Variants in DDX11 observed in about 807,000 individuals in gnomAD.
DDX11 encodes the protein DEAD/H-box helicase 11.
In DDX11, 72 loss-of-function variants were observed where a neutral mutation model predicts 125.2. The ratio of observed to expected loss-of-function variants is 0.58; its 90% CI spans 0.48 to 0.70. The LOEUF (loss-of-function observed/expected upper bound fraction) is 0.70, where lower values mean the gene tolerates loss of function less well. Among genes scored for constraint, DDX11 ranks in the 30% least tolerant of loss-of-function variants. The pLI, the probability that DDX11 is intolerant of heterozygous loss-of-function variation, is 0.00. For synonymous variants in DDX11, 347 were observed against 452.6 expected, an observed-to-expected ratio of 0.77 and a Z score of 2.96; for missense variants, 883 against 1,165.0, an observed-to-expected ratio of 0.76 and a Z score of 3.52.
At chr12:31,100,735 G>A (rs1210600816) in intron 19 of DDX11, 28 bp downstream of exon 19, 1 of 1,550,616 alleles carries the variant, frequency 6.4e-7, no homozygotes, top group Non-Finnish European at 8.7e-7. Context: ...GGGTGGGGCA[G>A]GCTAGAGGTC....
intron 5 of DDX11, among the ~76,000 whole-genome samples, chr12:31,087,268 T>A (rs1380830585): frequency 6.7e-6 from 1 of 150,062 alleles, no homozygotes; most frequent in African/African-American, 2.5e-5. Context: ...TGTAGCTTCA[T>A]CCAGGAGATG....
intron 5 of DDX11, 194 bp from the exon 6 acceptor site, chr12:31,087,744 C>G: frequency 1.1e-5 from 10 of 923,026 alleles, no homozygotes; most frequent in Non-Finnish European, 1.7e-5. Flanking sequence ...TCCCTACCCA[C>G]AGACCTGAGC....
At chr12:31,100,842 C>T (rs1425832179) in intron 19 of DDX11, 135 bp downstream of exon 19, 1 of 1,097,346 alleles carries the variant, frequency 9.1e-7, no homozygotes, top group Non-Finnish European at 1.4e-6. Flanking sequence ...CCTTCGTGCG[C>T]TCGCCCAGGC....
Position 31,103,855 on chromosome 12 carries a change from C to G in DDX11, c.*19C>G. Reference sequence around the variant, plus strand: ...TTCCTGATGGGCAACCACACCACTGCCTGGCGCCGTGCCCTTCCTTTGTCC... The same window carrying G: ...TTCCTGATGGGCAACCACACCACTGGCTGGCGCCGTGCCCTTCCTTTGTCC... On this transcript the variant is annotated 3_prime_UTR_variant, in exon 27 of 27. Transcript: ENST00000542838. 6.2e-7 allele frequency: 1 copy of G among 1,614,000 alleles called. No individual in the cohort carries two copies. The highest frequency in any genetic ancestry group is 1.1e-5 in the South Asian group (1 of 91,076).
intron 17 of DDX11, 81 bp from the exon 18 acceptor site, chr12:31,097,804 T>C: frequency 2.5e-6 from 2 of 811,172 alleles, no homozygotes; most frequent in Non-Finnish European, 4.2e-6. Context: ...AGACCTGGAC[T>C]CACCTGGGGG....
At chr12:31,095,857 T>C (rs1186281390) in intron 14 of DDX11, among the ~76,000 whole-genome samples, 1 of 152,112 alleles carries the variant, frequency 6.6e-6, no homozygotes, top group Non-Finnish European at 1.5e-5. Context: ...GTCGCTCTTT[T>C]TAGAAACCGG....
At chr12:31,089,743 G>A (rs1389888766) in intron 8 of DDX11, 143 bp from the exon 9 acceptor site, 15 of 1,449,728 alleles carry the variant, frequency 1.0e-5, no homozygotes, top group African/African-American at 1.4e-5. Context: ...GTGTTCCGAT[G>A]AGACCACAGT....
At chr12:31,089,021 G>T in intron 6 of DDX11, 23 bp from the exon 7 acceptor site, 1 of 1,599,274 alleles carries the variant, frequency 6.3e-7, no homozygotes, top group South Asian at 1.1e-5. Context: ...TCTCTTTGAA[G>T]CGCCTTTCTT....
At chr12:31,099,525 A>G (rs1374211337) in intron 18 of DDX11, among the ~76,000 whole-genome samples, 4 of 150,888 alleles carry the variant, frequency 2.7e-5, no homozygotes, top group African/African-American at 4.9e-5. Flanking sequence ...TTGAAATCAT[A>G]GTACCAATAT....
intron 18 of DDX11, among the ~76,000 whole-genome samples, chr12:31,098,544 C>G (rs1352642130): frequency 6.6e-6 from 1 of 150,814 alleles, no homozygotes; most frequent in Non-Finnish European, 1.5e-5. Flanking sequence ...GTAGCTGCTT[C>G]TCTCTTGTTA....
At chr12:31,094,071 G>A (rs183396793) in intron 12 of DDX11, among the ~76,000 whole-genome samples, 4,659 of 152,184 alleles carry the variant, frequency 0.031, 118 homozygotes, top group Middle Eastern at 0.082. Flanking sequence ...ACGGGAGCCT[G>A]GGATCTTCTG....
At position 31,104,157 on chromosome 12, in the gene DDX11, C is replaced by T. The variant is rs1299292908; in HGVS notation, c.*321C>T. 2.7e-5 allele frequency: 39 copies of T among 1,445,300 alleles called. No individual in the cohort carries two copies. Among genetic ancestry groups the T allele is most frequent in the Non-Finnish European group, 3.1e-5 (34 of 1,095,934 alleles). 89.5% of individuals were successfully genotyped at this position (1,445,300 alleles called of 1,614,324 possible). A position where few individuals can be genotyped will look rare whatever the true frequency, so the allele number is the denominator to read the frequency against. On this transcript the variant is annotated 3_prime_UTR_variant, in exon 27 of 27. Transcript: ENST00000542838. ...TCCTGGTCTCCGCAGGAGGCTGTGG[C>T]AGCTGTGGCATCCACTGTGGCATCT...
chr12:31,099,984 G>A (rs893324308), intron 18 of DDX11, among the ~76,000 whole-genome samples: 4 of 152,008 alleles, frequency 2.6e-5, no homozygotes, highest in Non-Finnish European at 5.9e-5. Flanking sequence ...TCTGACCATC[G>A]CTCCTCTAGT....
intron 12 of DDX11, 176 bp downstream of exon 12, chr12:31,093,500 A>AG: frequency 1.2e-6 from 1 of 814,862 alleles, no homozygotes; most frequent in Non-Finnish European, 2.1e-6. Flanking sequence ...GGTTCACCTG[A>AG]GGTTAGGAGT....
chr12:31,077,651 T>G (rs1387988222), intron 1 of DDX11, among the ~76,000 whole-genome samples: 1 of 151,756 alleles, frequency 6.6e-6, no homozygotes, highest in Non-Finnish European at 1.5e-5. Flanking sequence ...ATCGAGACCA[T>G]CCTGGCTAAC....
chr12:31,083,873 A>C lies in DDX11; in HGVS notation c.205A>C (p.Lys69Gln). 6.2e-7 allele frequency: 1 copy of C among 1,612,946 alleles called. No homozygotes were observed. The highest frequency in any genetic ancestry group is 1.7e-5 in the Admixed American group (1 of 60,022). Residue 69 changes from lysine (K) to glutamine (Q), a missense_variant, in exon 3 of 27, where the codon AAG becomes CAG. Physicochemically the swap from Lys to Gln is moderately conservative, Grantham distance 53 (BLOSUM62 1). Transcript: ENST00000542838. ...LSWLRDFEQK[K>Q]REEEARLLET... ...TTGGCTCCGTGACTTTGAACAGAAGAAGCGTGAAGAAGAGGCACGACTCCT... is the reference window on the plus strand; with the variant it reads ...TTGGCTCCGTGACTTTGAACAGAAGCAGCGTGAAGAAGAGGCACGACTCCT...
chr12:31,098,774 T>G (rs1009843809), intron 18 of DDX11, among the ~76,000 whole-genome samples: 17 of 152,206 alleles, frequency 1.1e-4, no homozygotes, highest in African/African-American at 4.1e-4. Flanking sequence ...ATATTAAAAG[T>G]TGTTTACAGT....
intron 8 of DDX11, 76 bp from the exon 9 acceptor site, chr12:31,089,810 T>G (rs1592687061): frequency 1.3e-6 from 2 of 1,558,688 alleles, no homozygotes; most frequent in African/African-American, 2.7e-5. Context: ...GTCTCAACAT[T>G]ACACAACCCC....
chr12:31,101,339 G>A, intron 20 of DDX11: 1 of 607,310 alleles, frequency 1.6e-6, no homozygotes, highest in Non-Finnish European at 3.0e-6. Context: ...GCCTTAGGCT[G>A]CGAAATATGT....
Sources: gnomAD v4.1 joint callset for allele counts (sites outside exome capture counted in the v4.1 genomes callset) on GRCh38, gnomAD v4.1.1 for gene constraint, MANE v1.5 for transcripts, NCBI Gene and HGNC (gene_info 2026-07-23, HGNC 2026-07-21) for gene names.